The following UGT1A9 variants were observed in gnomAD, a reference collection of about 807,000 sequenced individuals.
The protein encoded by UGT1A9 is UDP glucuronosyltransferase family 1 member A9, also known as UDP-glucuronosyltransferase 1A9.
In UGT1A9, 35 loss-of-function variants were observed where a neutral mutation model predicts 45.0. The ratio of observed to expected loss-of-function variants is 0.78; its 90% confidence interval spans 0.59 to 1.03. The LOEUF is 1.03. Among genes scored for constraint, UGT1A9 ranks in the 50% least tolerant of loss-of-function variants. The probability of loss-of-function intolerance (pLI) is 0.00; values close to 1 mark genes in which losing one functional copy is unlikely to be tolerated. For missense variants in UGT1A9, 687 were observed against 666.6 expected, an observed-to-expected ratio of 1.03 and a Z score of -0.34; for synonymous variants, 278 against 250.6, an observed-to-expected ratio of 1.11 and a Z score of -1.03.
At chr2:233,760,719 C>A in intron 1 of UGT1A9, 4 of 1,614,206 alleles carry the variant, frequency 2.5e-6, no homozygotes, top group Non-Finnish European at 3.4e-6. Flanking sequence ...CAGAAAGCAG[C>A]TTTGATGTCA....
At chr2:233,767,550 T>C (rs2110298) in intron 2 of UGT1A9, among the ~76,000 whole-genome samples, 2,565 of 152,382 alleles carry the variant, frequency 0.017, 61 homozygotes, top group Admixed American at 0.057. Flanking sequence ...CTTATAGTTC[T>C]GCATCCACTT....
At chr2:233,729,020 A>G in intron 1 of UGT1A9, 2 of 1,593,488 alleles carry the variant, frequency 1.3e-6, no homozygotes, top group Non-Finnish European at 8.6e-7. Flanking sequence ...TTCCAATTAC[A>G]CGTTGATTTG....
chr2:233,672,915 AT>A, intron 1 of UGT1A9, 126 bp downstream of exon 1: 1 of 1,501,300 alleles, frequency 6.7e-7, no homozygotes, highest in East Asian at 2.3e-5. Context: ...AGTTTAACAA[AT>A]TATTTTGTGC....
In UGT1A9 at chr2:233,722,021, C is replaced by T. The variant is rs991627062; in HGVS notation, c.856-45013C>T. On this transcript the variant is annotated intron_variant, in intron 1 of 4. Coordinates refer to ENST00000354728, the MANE Select transcript of UGT1A9 (RefSeq NM_021027.3). ...TTTAAGTGAACAGGAAAACTGAAAC[C>T]TCTTGAATTGCATGATTTTGTGGTG... 3.6e-5 allele frequency: 9 copies of T among 248,092 alleles called. No homozygotes were observed. In the Admixed American group the frequency reaches 3.8e-4, roughly 10 times the overall value. 15.4% of individuals were successfully genotyped at this position (248,092 alleles called of 1,614,324 possible).
At chr2:233,743,679 C>T (rs773832305) in intron 1 of UGT1A9, 13 of 1,367,098 alleles carry the variant, frequency 9.5e-6, no homozygotes, top group African/African-American at 5.9e-5. Flanking sequence ...AAGGGCCTGC[C>T]GCCTGTGCAG....
chr2:233,703,941 A>G (rs2075759906), intron 1 of UGT1A9, among the ~76,000 whole-genome samples: 1 of 151,570 alleles, frequency 6.6e-6, no homozygotes, highest in African/African-American at 2.4e-5. Context: ...CCCAGACTGG[A>G]GTGCAGTGGT....
In UGT1A9 at chr2:233,767,853, T is replaced by C; in HGVS notation, c.992T>C (p.Leu331Pro). 1.2e-6 allele frequency: 2 copies of C among 1,614,210 alleles called. No individual in the cohort carries two copies. The highest frequency in any genetic ancestry group is 1.1e-5 in the South Asian group (1 of 91,084). Residue 331 changes from leucine (L) to proline (P), a missense_variant, in exon 3 of 5, where the codon CTG becomes CCG. By Grantham distance (98) the Leu-to-Pro change is moderately conservative. Transcript: ENST00000354728. The part of the protein sequence containing the change: ...DALGKIPQTV[L>P]WRYTGTRPSN... ...TGCTCTTTTTGCCCCTCCCAGGTCC[T>C]GTGGCGGTACACTGGAACCCGACCA...
chr2:233,672,899 C>A, intron 1 of UGT1A9, 110 bp downstream of exon 1: 1 of 1,510,914 alleles, frequency 6.6e-7, no homozygotes, highest in Non-Finnish European at 8.8e-7. Context: ...TTTCAAATTT[C>A]TTTCCAGTTT....
rs115410088 is a variant in UGT1A9, at chr2:233,772,335, T to C, written c.1369T>C (p.Phe457Leu). Residue 457 changes from phenylalanine to leucine, a missense_variant, in exon 5 of 5, where the codon TTC becomes CTC. Phe to Leu is a conservative substitution (Grantham distance 22, BLOSUM62 0). Coordinates refer to ENST00000354728, the MANE Select transcript of UGT1A9 (RefSeq NM_021027.3). ...GGTGGAGCCGCTGGACCTGGCCGTG[T>C]TCTGGGTGGAGTTTGTGATGAGGCA... Reference protein sequence around the residue: ...RPVEPLDLAVFWVEFVMRHKG... With the variant: ...RPVEPLDLAVLWVEFVMRHKG... The C allele has an allele frequency of 2.5e-5, 41 of 1,614,238 alleles. No individual in the cohort carries two copies. Among genetic ancestry groups the C allele is most frequent in the Non-Finnish European group, 3.4e-5 (40 of 1,180,030 alleles).
At chr2:233,689,772 G>C in intron 1 of UGT1A9, 1 of 320,484 alleles carries the variant, frequency 3.1e-6, no homozygotes, top group Non-Finnish European at 6.2e-6. Flanking sequence ...ACAACTCGGG[G>C]ACATATGTTA....
At chr2:233,735,919 C>A (rs2078709385) in intron 1 of UGT1A9, among the ~76,000 whole-genome samples, 1 of 152,156 alleles carries the variant, frequency 6.6e-6, no homozygotes, top group South Asian at 2.1e-4. Context: ...GTAACCCGAC[C>A]TTTCTCTGTG....
Position 233,739,559 on chromosome 2 carries a change from G to A in UGT1A9, c.856-27475G>A, listed in dbSNP as rs1322307786. On this transcript the variant is annotated intron_variant, in intron 1 of 4. Coordinates refer to ENST00000354728, the MANE Select transcript of UGT1A9 (RefSeq NM_021027.3). ...TTTGGAGCTTTAAGATTTAATGACTGCCCTGCCTGGTTTTGGACTTGCATG... is the reference window on the plus strand; with the variant it reads ...TTTGGAGCTTTAAGATTTAATGACTACCCTGCCTGGTTTTGGACTTGCATG... 2.6e-5 allele frequency among the ~76,000 whole-genome samples: 4 copies of A among 152,224 alleles called. No homozygotes were observed. In the South Asian group the frequency reaches 8.3e-4, roughly 31 times the overall value.
intron 1 of UGT1A9, chr2:233,743,998 C>G (rs1199821485): frequency 8.1e-7 from 1 of 1,233,642 alleles, no homozygotes; most frequent in African/African-American, 1.6e-5. Context: ...CCCGAGTGCT[C>G]GGAGACCTGG....
chr2:233,680,294 A>C (rs1489450054), intron 1 of UGT1A9, among the ~76,000 whole-genome samples: 1 of 152,106 alleles, frequency 6.6e-6, no homozygotes, highest in East Asian at 1.9e-4. Context: ...ATCATTTTTT[A>C]CTCTGACATG....
intron 1 of UGT1A9, among the ~76,000 whole-genome samples, chr2:233,739,678 T>A (rs1691173919): frequency 6.6e-6 from 1 of 152,240 alleles, no homozygotes; most frequent in Non-Finnish European, 1.5e-5. Context: ...TGGAAGTTAC[T>A]AACTTGTTTT....
At position 233,743,636 on chromosome 2, in the gene UGT1A9, C is replaced by T. The variant is rs764566878; in HGVS notation, c.856-23398C>T. 27 of 1,367,194 alleles carry T rather than the reference C, an allele frequency of 2.0e-5. 2 individuals are homozygous for T. The African/African-American group carries it at 2.2e-4, about 11-fold the overall frequency. The allele number at this position is 1,367,194 out of a possible 1,614,324, so 84.7% of individuals were successfully genotyped here. A position where few individuals can be genotyped will look rare whatever the true frequency, so the allele number is the denominator to read the frequency against. On this transcript the variant is annotated intron_variant, in intron 1 of 4. Transcript: ENST00000354728. Reference sequence around the variant, plus strand: ...CTCCCTGAAGACGTCGGCTGGGTCGCGGAAGCTGAAGACGTACTCGAAGGG... The same window carrying T: ...CTCCCTGAAGACGTCGGCTGGGTCGTGGAAGCTGAAGACGTACTCGAAGGG...
chr2:233,688,461 T>C (rs1202418900), intron 1 of UGT1A9, among the ~76,000 whole-genome samples: 1 of 152,198 alleles, frequency 6.6e-6, no homozygotes, highest in Non-Finnish European at 1.5e-5. Context: ...ACAGGAAACT[T>C]CTTGGGAAAT....
chr2:233,750,953 C>T (rs1348696377), intron 1 of UGT1A9, among the ~76,000 whole-genome samples: 2 of 151,802 alleles, frequency 1.3e-5, no homozygotes, highest in Non-Finnish European at 2.9e-5. Context: ...ACAGAGTCTC[C>T]ACTGGGGCAC....
At chr2:233,691,657 C>T in intron 1 of UGT1A9, 1 of 984,560 alleles carries the variant, frequency 1.0e-6, no homozygotes, top group Non-Finnish European at 1.2e-6. Flanking sequence ...GTGACCCTCC[C>T]TTTCTGGGCC....
Sources: allele counts gnomAD v4.1 joint callset (sites outside exome capture counted in the v4.1 genomes callset), GRCh38; gene constraint gnomAD v4.1.1; transcripts MANE v1.5; gene names NCBI Gene and HGNC (gene_info 2026-07-23, HGNC 2026-07-21).